Variants in ERC2 observed in about 807,000 individuals in gnomAD.
The protein encoded by ERC2 is ELKS/RAB6-interacting/CAST family member 2, also known as ERC protein 2.
In ERC2, 42 loss-of-function variants were observed where a neutral mutation model predicts 114.8. The observed-to-expected ratio is 0.37, with a 90% CI of 0.29 to 0.47. ERC2 has a LOEUF of 0.47. Among genes scored for constraint, ERC2 ranks in the 20% least tolerant of loss-of-function variants. The pLI is 0.99. For missense variants in ERC2, 939 were observed against 1,150.7 expected, an observed-to-expected ratio of 0.82 and a Z score of 2.66; for synonymous variants, 454 against 425.5, an observed-to-expected ratio of 1.07 and a Z score of -0.82.
At chr3:56,409,056 C>T (rs763883714) in intron 2 of ERC2, among the ~76,000 whole-genome samples, 19 of 152,222 alleles carry the variant, frequency 1.2e-4, no homozygotes, top group Non-Finnish European at 2.4e-4. Context: ...ATCTCACACA[C>T]GCTCCTGTGT....
At chr3:56,392,821 C>T (rs1046710685) in intron 2 of ERC2, among the ~76,000 whole-genome samples, 3 of 152,196 alleles carry the variant, frequency 2.0e-5, no homozygotes, top group Admixed American at 1.3e-4. Context: ...CCCTCTTCTT[C>T]ATCCTCCTCA....
chr3:56,386,512 C>A (rs887478682), intron 2 of ERC2, among the ~76,000 whole-genome samples: 1 of 152,176 alleles, frequency 6.6e-6, no homozygotes, highest in Non-Finnish European at 1.5e-5. Flanking sequence ...ACACTAGACA[C>A]TCTAAATCAG....
At chr3:55,541,374 T>C (rs922791705) in intron 17 of ERC2, among the ~76,000 whole-genome samples, 1 of 152,192 alleles carries the variant, frequency 6.6e-6, no homozygotes, top group Admixed American at 6.5e-5. Flanking sequence ...GCCACAGCTT[T>C]GATGAAAGGC....
At position 55,528,546 on chromosome 3, in the gene ERC2, T is replaced by A. The variant is rs185676286; in HGVS notation, c.*40-17270A>T. ...ATACTTTATTTGACAAAAAAAAAAATTTTAGCACTCTCACAAGGCAGGCAT... is the reference window on the plus strand; with the variant it reads ...ATACTTTATTTGACAAAAAAAAAAAATTTAGCACTCTCACAAGGCAGGCAT... On this transcript the variant is annotated intron_variant, in intron 17 of 17. Coordinates refer to ENST00000288221, the MANE Select transcript of ERC2 (RefSeq NM_015576.3). Among the ~76,000 whole-genome samples, 521 of 151,980 alleles carry A rather than the reference T, an allele frequency of 3.4e-3. 3 individuals carry two copies. Among genetic ancestry groups the A allele is most frequent in the African/African-American group, 0.011 (456 of 41,454 alleles).
intron 11 of ERC2, among the ~76,000 whole-genome samples, chr3:55,986,736 T>C (rs558084689): frequency 6.6e-6 from 1 of 151,806 alleles, no homozygotes; most frequent in African/African-American, 2.4e-5. Flanking sequence ...TTAATTTGTT[T>C]GTATAAAAAT....
intron 7 of ERC2, among the ~76,000 whole-genome samples, chr3:56,019,408 A>G (rs2073545448): frequency 1.3e-5 from 2 of 152,238 alleles, no homozygotes; most frequent in Admixed American, 1.3e-4. Context: ...TCATTGATTA[A>G]ACAGACATTT....
At chr3:56,408,528 T>TA (rs1252125196) in intron 2 of ERC2, among the ~76,000 whole-genome samples, 2 of 152,006 alleles carry the variant, frequency 1.3e-5, no homozygotes, top group Admixed American at 6.6e-5. Context: ...CACACACAAT[T>TA]ACGCTTCGTA....
intron 14 of ERC2, among the ~76,000 whole-genome samples, chr3:55,854,003 G>A (rs146907811): frequency 2.0e-5 from 3 of 152,298 alleles, no homozygotes; most frequent in East Asian, 1.9e-4. Context: ...GGCCCAGCGC[G>A]GCGGCTCACA....
At chr3:56,037,738 A>G (rs918823175) in intron 7 of ERC2, among the ~76,000 whole-genome samples, 1 of 152,202 alleles carries the variant, frequency 6.6e-6, no homozygotes, top group Non-Finnish European at 1.5e-5. Flanking sequence ...ATCAACCCCA[A>G]GACACAGAAT....
chr3:55,869,907 G>A (rs1018234483), intron 14 of ERC2, among the ~76,000 whole-genome samples: 20 of 152,220 alleles, frequency 1.3e-4, no homozygotes, highest in South Asian at 8.3e-4. Context: ...ACAGAGAGGC[G>A]AGAAGATTCT....
chr3:56,446,228 T>C (rs1312886994), intron 1 of ERC2, among the ~76,000 whole-genome samples: 1 of 152,144 alleles, frequency 6.6e-6, no homozygotes, highest in Non-Finnish European at 1.5e-5. Context: ...GGGAAGGAAT[T>C]AGCATAGCTC....
intron 17 of ERC2, among the ~76,000 whole-genome samples, chr3:55,614,238 C>T (rs1313080558): frequency 6.6e-6 from 1 of 152,124 alleles, no homozygotes; most frequent in East Asian, 1.9e-4. Flanking sequence ...TTTAAAATCA[C>T]TAGACTACAT....
At chr3:56,144,951 G>C (rs2081061015) in intron 5 of ERC2, among the ~76,000 whole-genome samples, 1 of 152,130 alleles carries the variant, frequency 6.6e-6, no homozygotes, top group Non-Finnish European at 1.5e-5. Flanking sequence ...CATGAGAACT[G>C]AGGCCAGGGA....
At position 55,683,877 on chromosome 3, in the gene ERC2, T is replaced by G. The variant is rs2062186420; in HGVS notation, c.2848-18A>C. ...TCGTCATCCTGCGGCCGGCCCGAGG[T>G]GGGGAGGTGCACAGAGAGGAGGGGA... is the stretch of plus-strand genomic sequence containing the variant. On this transcript the variant is annotated intron_variant, in intron 16 of 17. Transcript: ENST00000288221. 6.2e-7 allele frequency: 1 copy of G among 1,609,782 alleles called. No individual in the cohort carries two copies. Among genetic ancestry groups the G allele is most frequent in the East Asian group, 2.2e-5 (1 of 44,604 alleles).
rs527934034 is a variant in ERC2, at chr3:56,325,346, T to G, written c.658-28911A>C. Among the ~76,000 whole-genome samples the G allele has an allele frequency of 2.7e-3, 403 of 151,952 alleles. 3 individuals carry two copies. Among genetic ancestry groups the G allele is most frequent in the African/African-American group, 9.1e-3 (378 of 41,422 alleles). ...CTGCAGTCCCAGCTACTTGGGAGGCTGAGACAGGAGAATGGCATGAACCCA... is the reference window on the plus strand; with the variant it reads ...CTGCAGTCCCAGCTACTTGGGAGGCGGAGACAGGAGAATGGCATGAACCCA... On this transcript the variant is annotated intron_variant, in intron 2 of 17. Transcript: ENST00000288221.
chr3:55,877,935 G>C (rs887504141), intron 14 of ERC2, among the ~76,000 whole-genome samples: 2 of 152,106 alleles, frequency 1.3e-5, no homozygotes, highest in Non-Finnish European at 2.9e-5. Flanking sequence ...TCAGGTACTG[G>C]TCAGAATTCT....
chr3:56,057,854 A>G (rs1468950747), intron 7 of ERC2, among the ~76,000 whole-genome samples: 1 of 152,172 alleles, frequency 6.6e-6, no homozygotes, highest in Non-Finnish European at 1.5e-5. Context: ...AAGGTGAAAT[A>G]CTATGGTTAA....
chr3:55,991,541 C>T (rs974970657), intron 11 of ERC2, among the ~76,000 whole-genome samples: 4 of 152,192 alleles, frequency 2.6e-5, no homozygotes, highest in Admixed American at 6.5e-5. Context: ...TTAAAAGGTC[C>T]TCTTAAGAGA....
intron 3 of ERC2, among the ~76,000 whole-genome samples, chr3:56,285,020 CACACACACACAT>C (rs1449214828): frequency 3.1e-5 from 4 of 130,660 alleles, no homozygotes; most frequent in East Asian, 2.3e-4. Flanking sequence ...CTCACACACA[CACACACACACAT>C]ACACACACAC....
Sources: gnomAD v4.1 joint callset for allele counts (sites outside exome capture counted in the v4.1 genomes callset) on GRCh38, gnomAD v4.1.1 for gene constraint, MANE v1.5 for transcripts, NCBI Gene and HGNC (gene_info 2026-07-23, HGNC 2026-07-21) for gene names.